Variants in ITPR1 observed in about 807,000 individuals in gnomAD.
The protein encoded by ITPR1 is inositol 1,4,5-trisphosphate-gated calcium channel ITPR1.
Under a neutral mutation model 318.4 loss-of-function variants are expected in ITPR1, and 96 were observed. That is an observed-to-expected ratio of 0.30 (90% CI 0.26 to 0.36). The LOEUF is 0.36. Among genes scored for constraint, ITPR1 ranks in the 10% least tolerant of loss-of-function variants. ITPR1 has a pLI of 1.00. For missense variants in ITPR1, 2,440 were observed against 3,460.2 expected (o/e 0.71, Z 7.40); for synonymous variants, 1,312 against 1,289.9 (o/e 1.02, Z -0.37).
chr3:4,634,004 G>C (rs961543127), intron 5 of ITPR1, among the ~76,000 whole-genome samples: 1 of 152,172 alleles, frequency 6.6e-6, no homozygotes, highest in African/African-American at 2.4e-5. Context: ...CTCTGTTGCT[G>C]AAATAAAATA....
intron 49 of ITPR1, among the ~76,000 whole-genome samples, chr3:4,781,136 C>T (rs1367162508): frequency 6.6e-6 from 1 of 152,202 alleles, no homozygotes; most frequent in Admixed American, 6.5e-5. Flanking sequence ...GAAACAAGCT[C>T]AGACAGTGAG....
intron 13 of ITPR1, among the ~76,000 whole-genome samples, chr3:4,658,550 C>T (rs1206484800): frequency 6.6e-6 from 1 of 150,788 alleles, no homozygotes; most frequent in African/African-American, 2.4e-5. Flanking sequence ...TCCCTCTACT[C>T]CCTTCCTCCT....
intron 42 of ITPR1, among the ~76,000 whole-genome samples, chr3:4,732,743 A>G (rs1439780529): frequency 6.6e-6 from 1 of 152,162 alleles, no homozygotes; most frequent in Non-Finnish European, 1.5e-5. Flanking sequence ...GTGGAAGCTG[A>G]CCTGTAAGCC....
intron 5 of ITPR1, among the ~76,000 whole-genome samples, chr3:4,630,532 G>GT (rs11370167): frequency 0.87 from 126,091 of 145,398 alleles, 54,956 homozygotes; most frequent in East Asian, 1. Context: ...GATTTTTAAA[G>GT]TTTTTTTTTT....
intron 16 of ITPR1, among the ~76,000 whole-genome samples, 200 bp downstream of exon 16, chr3:4,663,406 AG>A (rs1199202213): frequency 3.7e-4 from 56 of 152,192 alleles, no homozygotes; most frequent in Admixed American, 3.7e-3. Context: ...GTCTCAAAAG[AG>A]AAAGAAAAAG....
At chr3:4,669,572 G>C (rs2094027907) in intron 18 of ITPR1, 82 bp from the exon 19 acceptor site, 3 of 1,386,922 alleles carry the variant, frequency 2.2e-6, no homozygotes, top group Middle Eastern at 2.0e-4. Context: ...TGTTGGACCT[G>C]TGCACTTAAG....
intron 23 of ITPR1, among the ~76,000 whole-genome samples, chr3:4,676,243 G>A (rs1026402145): frequency 5.3e-5 from 8 of 151,906 alleles, no homozygotes; most frequent in East Asian, 1.9e-4. Context: ...TACTTGAGAC[G>A]TTGAGGCAGG....
At chr3:4,579,898 G>A (rs970775035) in intron 4 of ITPR1, among the ~76,000 whole-genome samples, 2 of 151,446 alleles carry the variant, frequency 1.3e-5, no homozygotes, top group African/African-American at 4.9e-5. Context: ...TATTTTGAAT[G>A]TTAAATTCAG....
rs951348067 is a variant in ITPR1, at chr3:4,767,933, C to T, written c.5726-578C>T. On this transcript the variant is annotated intron_variant, in intron 45 of 61. Transcript: ENST00000649015. ...TGGGGCACAGAGATGGTAATTAAGT[C>T]ATTACGGACATGCAGCTAGGAGGCA... 7.9e-5 allele frequency among the ~76,000 whole-genome samples: 12 copies of T among 152,126 alleles called. 1 individual carries two copies. The highest frequency in any genetic ancestry group is 2.9e-4 in the African/African-American group (12 of 41,406).
chr3:4,787,558 C>T (rs1319436336), intron 51 of ITPR1, among the ~76,000 whole-genome samples: 5 of 135,082 alleles, frequency 3.7e-5, no homozygotes, highest in African/African-American at 8.1e-5. Flanking sequence ...AAAAGCCAGG[C>T]GTGAAGGTGC....
chr3:4,586,010 A>G lies in ITPR1; in HGVS notation c.164-41753A>G, dbSNP rs149180015. Among the ~76,000 whole-genome samples the G allele has an allele frequency of 4.4e-3, 674 of 151,758 alleles. 20 individuals are homozygous for G. In the East Asian group the frequency reaches 0.071, roughly 16 times the overall value. ...GTTCAATTCCCACTTATGAGTGAGA[A>G]CATGTAGTGTTTGGTTTTCTGTCCT... On this transcript the variant is annotated intron_variant, in intron 4 of 61. Transcript: ENST00000649015.
chr3:4,539,497 T>C (rs1223532947), intron 4 of ITPR1, among the ~76,000 whole-genome samples: 2 of 152,164 alleles, frequency 1.3e-5, no homozygotes, highest in African/African-American at 4.8e-5. Context: ...TCTATTAATA[T>C]TTTGGGCTTA....
At chr3:4,815,985 T>TACACACACACACACAC (rs10607666) in intron 59 of ITPR1, among the ~76,000 whole-genome samples, 3 of 149,696 alleles carry the variant, frequency 2.0e-5, no homozygotes, top group South Asian at 2.1e-4. Flanking sequence ...ATTTGCTTTA[T>TACACACACACACACAC]ACACACACAC....
chr3:4,649,716 A>G (rs567091384), intron 10 of ITPR1, among the ~76,000 whole-genome samples: 11 of 152,336 alleles, frequency 7.2e-5, no homozygotes, highest in Admixed American at 3.3e-4. Context: ...AATATCAGAA[A>G]TGTATTTCTT....
At chr3:4,702,040 G>A (rs747328225) in intron 35 of ITPR1, among the ~76,000 whole-genome samples, 32 of 152,218 alleles carry the variant, frequency 2.1e-4, no homozygotes, top group African/African-American at 5.8e-4. Flanking sequence ...GTTGAATAGC[G>A]CAGCACACAC....
intron 35 of ITPR1, among the ~76,000 whole-genome samples, chr3:4,700,566 C>T (rs138604503): frequency 2.6e-5 from 4 of 152,178 alleles, no homozygotes; most frequent in Admixed American, 6.5e-5. Context: ...GTAAAAGAGG[C>T]AGAACAAGAT....
At chr3:4,622,111 T>A (rs2092659296) in intron 4 of ITPR1, among the ~76,000 whole-genome samples, 1 of 133,116 alleles carries the variant, frequency 7.5e-6, no homozygotes, top group African/African-American at 3.4e-5. Context: ...ATAGTAGACT[T>A]TTTTTTTTTT....
rs143416665 is a variant in ITPR1, at chr3:4,666,641, C to T, written c.1714-736C>T. On this transcript the variant is annotated intron_variant, in intron 17 of 61. Transcript: ENST00000649015. ...ATTATGTTAATCCTAAATAGTTAAC[C>T]GGGATTTAGGAATTAATGGGAAAAA... Among the ~76,000 whole-genome samples the T allele has an allele frequency of 4.5e-3, 690 of 152,158 alleles. 7 individuals carry two copies. Among genetic ancestry groups the T allele is most frequent in the Middle Eastern group, 0.024 (7 of 294 alleles).
intron 60 of ITPR1, among the ~76,000 whole-genome samples, chr3:4,835,563 TGA>T (rs1371600873): frequency 6.7e-6 from 1 of 148,378 alleles, no homozygotes; most frequent in African/African-American, 2.5e-5. Context: ...GCATTCCGAG[TGA>T]GTGTGTGTGT....
Sources: gnomAD v4.1 joint callset for allele counts (sites outside exome capture counted in the v4.1 genomes callset) on GRCh38, gnomAD v4.1.1 for gene constraint, MANE v1.5 for transcripts, NCBI Gene and HGNC (gene_info 2026-07-23, HGNC 2026-07-21) for gene names.